Variants in PRKAR1B observed in about 807,000 individuals in gnomAD.
PRKAR1B encodes protein kinase cAMP-dependent type I regulatory subunit beta, also known as cAMP-dependent protein kinase type I-beta regulatory subunit.
A neutral mutation model predicts 46.5 loss-of-function variants in PRKAR1B; 22 were observed. The observed-to-expected ratio is 0.47, with a 90% confidence interval of 0.34 to 0.68. The LOEUF is 0.68. Among genes scored for constraint, PRKAR1B ranks in the 30% least tolerant of loss-of-function variants. The pLI is 0.01. For missense variants in PRKAR1B, 445 were observed against 535.6 expected (o/e 0.83, Z 1.67); for synonymous variants, 259 against 217.7 (o/e 1.19, Z -1.67).
intron 9 of PRKAR1B, among the ~76,000 whole-genome samples, chr7:563,927 G>A (rs750345666): frequency 1.6e-4 from 24 of 152,222 alleles, no homozygotes; most frequent in Admixed American, 5.2e-4. Flanking sequence ...GAGTATGTGC[G>A]TTGGTGTGCA....
chr7:558,233 C>G (rs187713432), intron 9 of PRKAR1B, among the ~76,000 whole-genome samples: 2 of 143,664 alleles, frequency 1.4e-5, no homozygotes, highest in Non-Finnish European at 3.0e-5. Flanking sequence ...GGCTGAGGTG[C>G]GAGGATCGCT....
chr7:681,369 G>C (rs1778677290), intron 2 of PRKAR1B, among the ~76,000 whole-genome samples: 1 of 149,050 alleles, frequency 6.7e-6, no homozygotes, highest in African/African-American at 2.5e-5. Flanking sequence ...TTCACCTAAA[G>C]TTGCAGTTCC....
intron 8 of PRKAR1B, among the ~76,000 whole-genome samples, chr7:579,932 AC>A (rs1169918058): frequency 3.3e-5 from 5 of 152,092 alleles, no homozygotes; most frequent in Non-Finnish European, 5.9e-5. Flanking sequence ...CCCCATCTCT[AC>A]AAAAAATGTT....
intron 4 of PRKAR1B, among the ~76,000 whole-genome samples, chr7:620,003 A>G (rs1783028869): frequency 6.8e-6 from 1 of 146,168 alleles, no homozygotes; most frequent in Non-Finnish European, 1.5e-5. Flanking sequence ...GGCACATGCC[A>G]TCATACCCAG....
intron 9 of PRKAR1B, among the ~76,000 whole-genome samples, chr7:570,813 G>A (rs1165091734): frequency 2.0e-5 from 3 of 151,940 alleles, no homozygotes; most frequent in African/African-American, 7.3e-5. Flanking sequence ...GCTGCCTGCA[G>A]CCCCCTCCCT....
intron 9 of PRKAR1B, among the ~76,000 whole-genome samples, chr7:574,784 T>C (rs1000790278): frequency 6.6e-6 from 1 of 152,214 alleles, no homozygotes; most frequent in Non-Finnish European, 1.5e-5. Flanking sequence ...GACTATAAAA[T>C]ATCAACAAGT....
At chr7:679,338 C>G (rs1042755616) in intron 3 of PRKAR1B, among the ~76,000 whole-genome samples, 1 of 152,200 alleles carries the variant, frequency 6.6e-6, no homozygotes, top group Non-Finnish European at 1.5e-5. Context: ...CCGTGGCCTC[C>G]GGTCTGCAAC....
At chr7:654,893 C>T (rs371958178) in intron 4 of PRKAR1B, among the ~76,000 whole-genome samples, 128 of 152,312 alleles carry the variant, frequency 8.4e-4, no homozygotes, top group African/African-American at 2.9e-3. Flanking sequence ...TCATTGTTAT[C>T]ATTGCCGTTG....
intron 2 of PRKAR1B, among the ~76,000 whole-genome samples, chr7:708,782 C>T (rs1345747944): frequency 1.3e-5 from 2 of 150,522 alleles, no homozygotes; most frequent in Non-Finnish European, 3.0e-5. Context: ...TCACTGTGCC[C>T]GGCCCCAATT....
chr7:653,620 G>A (rs1785026154), intron 4 of PRKAR1B, among the ~76,000 whole-genome samples: 1 of 152,100 alleles, frequency 6.6e-6, no homozygotes, highest in Admixed American at 6.5e-5. Context: ...TCCAGAATGG[G>A]CTAAAATAAG....
Position 628,565 on chromosome 7 carries a change from C to G in PRKAR1B, c.441-21113G>C, listed in dbSNP as rs527774341. Among the ~76,000 whole-genome samples, 30 of 152,332 alleles carry G rather than the reference C, an allele frequency of 2.0e-4. 1 individual carries two copies. Among genetic ancestry groups the G allele is most frequent in the African/African-American group, 7.2e-4 (30 of 41,586 alleles). On this transcript the variant is annotated intron_variant, in intron 4 of 10. Transcript: ENST00000537384. The stretch of plus-strand genomic sequence containing the variant: ...GGAAGAGCAAAGGCCGGCAGGGGCT[C>G]GATGGGACCAGTCGCTCGCTCAGGC...
intron 2 of PRKAR1B, among the ~76,000 whole-genome samples, chr7:707,152 T>A (rs972688751): frequency 2.0e-5 from 3 of 152,240 alleles, no homozygotes; most frequent in Non-Finnish European, 4.4e-5. Flanking sequence ...CATTTGAGAA[T>A]CCATCGCAAG....
chr7:660,187 T>C (rs67989560), intron 4 of PRKAR1B, among the ~76,000 whole-genome samples: 23,195 of 151,886 alleles, frequency 0.15, 1,981 homozygotes, highest in South Asian at 0.28. Flanking sequence ...CCCGGCTCCA[T>C]GTTCCGGGTT....
At position 593,831 on chromosome 7, in the gene PRKAR1B, T is replaced by C. The variant is rs1781120732; in HGVS notation, c.708+2315A>G. On this transcript the variant is annotated intron_variant, in intron 7 of 10. Coordinates refer to ENST00000537384, the MANE Select transcript of PRKAR1B (RefSeq NM_001164760.2). The surrounding 1 kb of genome is among the most constrained non-coding windows in gnomAD (Gnocchi z 6.1). ...CAGCACAGGAGCCCCAGACCCAGGGTGGGCACCCCAGCAATGCCCCACAGG... is the reference window on the plus strand; with the variant it reads ...CAGCACAGGAGCCCCAGACCCAGGGCGGGCACCCCAGCAATGCCCCACAGG... 6.6e-6 allele frequency among the ~76,000 whole-genome samples: 1 copy of C among 152,078 alleles called. No individual in the cohort carries two copies. The highest frequency in any genetic ancestry group is 6.5e-5 in the Admixed American group (1 of 15,276).
chr7:690,830 C>T (rs924023189), intron 2 of PRKAR1B, among the ~76,000 whole-genome samples: 1 of 152,228 alleles, frequency 6.6e-6, no homozygotes, highest in African/African-American at 2.4e-5. Flanking sequence ...GTCCTGTGTC[C>T]AGCTGCACAA....
chr7:629,787 G>C (rs1269129809), intron 4 of PRKAR1B, among the ~76,000 whole-genome samples: 44 of 90,984 alleles, frequency 4.8e-4, no homozygotes, highest in Admixed American at 1.2e-3. Context: ...CACGGCCTCC[G>C]AGGGCGTCAC....
chr7:639,805 G>T (rs975398164), intron 4 of PRKAR1B, among the ~76,000 whole-genome samples: 2 of 151,806 alleles, frequency 1.3e-5, no homozygotes, highest in African/African-American at 4.8e-5. Flanking sequence ...GGTGAGCCAT[G>T]ATCATCGCGC....
chr7:630,002 ACGGCC>A, intron 4 of PRKAR1B, among the ~76,000 whole-genome samples: 1 of 132,846 alleles, frequency 7.5e-6, no homozygotes, highest in Non-Finnish European at 1.6e-5. Context: ...GAGCGGGGCC[ACGGCC>A]TCCCAGGGCG....
chr7:648,415 C>A (rs1784731386), intron 4 of PRKAR1B, among the ~76,000 whole-genome samples: 2 of 151,824 alleles, frequency 1.3e-5, no homozygotes, highest in Admixed American at 1.3e-4. Context: ...AGTTTGAGAC[C>A]AGCCTGGCCA....
Sources: gnomAD v4.1 joint callset for allele counts (sites outside exome capture counted in the v4.1 genomes callset) on GRCh38, gnomAD v4.1.1 for gene constraint, Gnocchi (gnomAD v3.1) non-coding constraint, MANE v1.5 for transcripts, NCBI Gene and HGNC (gene_info 2026-07-23, HGNC 2026-07-21) for gene names.